TEC: variants seen among roughly 807,000 people sequenced by gnomAD.
TEC encodes the protein tyrosine-protein kinase Tec.
TEC carries 72 observed loss-of-function variants against 93.0 expected under a neutral mutation model. The observed-to-expected ratio is 0.77, with a 90% CI of 0.64 to 0.94. TEC has a LOEUF of 0.94. TEC is among the 40% of genes least tolerant of loss of function. The probability of loss-of-function intolerance (pLI) is 0.00; values close to 1 mark genes in which losing one functional copy is unlikely to be tolerated. For missense variants in TEC, 630 were observed against 757.9 expected, an observed-to-expected ratio of 0.83 and a Z score of 1.98; for synonymous variants, 249 against 247.7, an observed-to-expected ratio of 1.01 and a Z score of -0.05.
chr4:48,158,364 A>G (rs1720484138), intron 8 of TEC, among the ~76,000 whole-genome samples: 1 of 152,172 alleles, frequency 6.6e-6, no homozygotes, highest in South Asian at 2.1e-4. Flanking sequence ...CAAACATCTC[A>G]TTACATGGAT....
chr4:48,179,307 A>C (rs1207819958), intron 2 of TEC, among the ~76,000 whole-genome samples: 1 of 142,982 alleles, frequency 7.0e-6, no homozygotes, highest in African/African-American at 2.6e-5. Flanking sequence ...GAACAGACTG[A>C]CATAGCAACT....
chr4:48,170,951 T>C (rs1721081448), intron 4 of TEC, among the ~76,000 whole-genome samples: 1 of 152,056 alleles, frequency 6.6e-6, no homozygotes, highest in African/African-American at 2.4e-5. Context: ...CTTAGGAGGC[T>C]GAGGCAGGAG....
chr4:48,265,175 A>C (rs901632154), intron 1 of TEC, among the ~76,000 whole-genome samples: 1 of 152,182 alleles, frequency 6.6e-6, no homozygotes, highest in African/African-American at 2.4e-5. Context: ...CCAGAAAGAA[A>C]TAGACACACA....
intron 1 of TEC, among the ~76,000 whole-genome samples, chr4:48,250,894 G>A (rs1392049071): frequency 1.3e-5 from 2 of 152,158 alleles, no homozygotes; most frequent in Non-Finnish European, 2.9e-5. Flanking sequence ...CCTAATTGTT[G>A]TATGCTGCTG....
chr4:48,258,877 C>T (rs1724415569), intron 1 of TEC, among the ~76,000 whole-genome samples: 1 of 152,156 alleles, frequency 6.6e-6, no homozygotes, highest in Non-Finnish European at 1.5e-5. Context: ...GTTATATTTG[C>T]TTAAAACAGT....
chr4:48,199,662 T>G (rs13125167), intron 2 of TEC, among the ~76,000 whole-genome samples: 12 of 151,894 alleles, frequency 7.9e-5, no homozygotes, highest in East Asian at 5.8e-4. Context: ...AGAAATGAGG[T>G]TTCACCACAC....
intron 2 of TEC, among the ~76,000 whole-genome samples, chr4:48,206,822 G>A (rs1459004171): frequency 1.9e-4 from 29 of 151,508 alleles, no homozygotes; most frequent in Admixed American, 1.5e-3. Context: ...AGTTGGGCAC[G>A]GTGATATGCA....
chr4:48,198,877 T>A (rs1189852199), intron 2 of TEC, among the ~76,000 whole-genome samples: 1 of 152,252 alleles, frequency 6.6e-6, no homozygotes, highest in Non-Finnish European at 1.5e-5. Context: ...TGATTTTCAC[T>A]GTGCAAAATG....
intron 3 of TEC, among the ~76,000 whole-genome samples, chr4:48,175,769 A>C (rs1025632084): frequency 7.2e-5 from 11 of 152,218 alleles, no homozygotes; most frequent in African/African-American, 2.7e-4. Flanking sequence ...TAGTTTAATT[A>C]ATATATGTCT....
chr4:48,181,695 G>T (rs369406956), intron 2 of TEC, among the ~76,000 whole-genome samples: 2 of 107,840 alleles, frequency 1.9e-5, no homozygotes, highest in South Asian at 2.7e-4. Context: ...AAAGAAAAAA[G>T]AAAAAGAAAA....
intron 2 of TEC, among the ~76,000 whole-genome samples, chr4:48,179,587 T>G (rs1560393604): frequency 1.3e-5 from 2 of 151,196 alleles, no homozygotes; most frequent in East Asian, 3.9e-4. Context: ...CAGGGTTTCA[T>G]CAGGTTGGCC....
At chr4:48,166,505 G>A (rs1200358172) in intron 7 of TEC, among the ~76,000 whole-genome samples, 1 of 152,074 alleles carries the variant, frequency 6.6e-6, no homozygotes, top group East Asian at 1.9e-4. Flanking sequence ...ATAATGACAT[G>A]GTGGTGTTTT....
chr4:48,214,844 A>G (rs1723019989), intron 2 of TEC, among the ~76,000 whole-genome samples: 1 of 151,914 alleles, frequency 6.6e-6, no homozygotes. Flanking sequence ...ACAGAGCAAG[A>G]CCCTGTCTCA....
rs946829931 is a variant in TEC at position 48,199,703 on chromosome 4, G to A, written c.139-23517C>T. ...AGGGTGGTCTCGAACTCCTGACCTCGTGATCCACCCGCCTCGGCCTCCCAA... is the reference window on the plus strand; with the variant it reads ...AGGGTGGTCTCGAACTCCTGACCTCATGATCCACCCGCCTCGGCCTCCCAA... On this transcript the variant is annotated intron_variant, in intron 2 of 17. Coordinates refer to ENST00000381501, the MANE Select transcript of TEC (RefSeq NM_003215.3). Among the ~76,000 whole-genome samples the A allele has an allele frequency of 2.6e-5, 4 of 151,976 alleles. No individual in the cohort carries two copies. In the South Asian group the frequency reaches 6.2e-4, roughly 24 times the overall value.
chr4:48,198,664 T>A (rs948991518), intron 2 of TEC, among the ~76,000 whole-genome samples: 1 of 152,190 alleles, frequency 6.6e-6, no homozygotes, highest in Admixed American at 6.5e-5. Flanking sequence ...AAATAAAAAT[T>A]CTATGCTTTT....
intron 10 of TEC, among the ~76,000 whole-genome samples, chr4:48,150,615 T>A (rs1183482365): frequency 6.6e-6 from 1 of 152,244 alleles, no homozygotes; most frequent in African/African-American, 2.4e-5. Context: ...CAGTTCACTA[T>A]AAATGTTTGT....
chr4:48,194,017 A>G (rs75152809), intron 2 of TEC, among the ~76,000 whole-genome samples: 3,406 of 152,254 alleles, frequency 0.022, 72 homozygotes, highest in Non-Finnish European at 0.034. Context: ...AAAACCTACC[A>G]CTGCAGCCCA....
chr4:48,156,081 G>T (rs2109524491), intron 9 of TEC, among the ~76,000 whole-genome samples: 1 of 152,220 alleles, frequency 6.6e-6, no homozygotes, highest in Non-Finnish European at 1.5e-5. Flanking sequence ...TTTTGTAACA[G>T]GACATACTGG....
chr4:48,182,128 C>CA (rs1721615740), intron 2 of TEC, among the ~76,000 whole-genome samples: 1 of 151,756 alleles, frequency 6.6e-6, no homozygotes, highest in African/African-American at 2.4e-5. Context: ...ACTAAAGATA[C>CA]AAAAAAATTA....
Sources: allele counts gnomAD v4.1 joint callset (sites outside exome capture counted in the v4.1 genomes callset), GRCh38; gene constraint gnomAD v4.1.1; transcripts MANE v1.5; gene names NCBI Gene and HGNC (gene_info 2026-07-23, HGNC 2026-07-21).